The following ANKRD7 variants were observed in gnomAD, a reference collection of about 807,000 sequenced individuals.
ANKRD7 encodes ankyrin repeat domain 7.
In ANKRD7, 30 loss-of-function variants were observed where a neutral mutation model predicts 30.8. The observed-to-expected ratio is 0.97, with a 90% confidence interval of 0.73 to 1.32. The LOEUF is 1.32. Ranked by LOEUF, ANKRD7 falls within the 40% of genes most tolerant of loss-of-function variation. The pLI is 0.00. For missense variants in ANKRD7, 264 were observed against 295.7 expected, an observed-to-expected ratio of 0.89 and a Z score of 0.79; for synonymous variants, 97 against 106.6, an observed-to-expected ratio of 0.91 and a Z score of 0.55.
At chr7:118,237,937 G>A (rs1293351759) in intron 5 of ANKRD7, among the ~76,000 whole-genome samples, 1 of 152,058 alleles carries the variant, frequency 6.6e-6, no homozygotes, top group East Asian at 1.9e-4. Flanking sequence ...CTCTACAAAA[G>A]TGATCCCTAA....
chr7:118,235,663 C>T (rs964922949), intron 3 of ANKRD7, among the ~76,000 whole-genome samples: 84 of 150,436 alleles, frequency 5.6e-4, no homozygotes, highest in African/African-American at 2.0e-3. Flanking sequence ...ATATTTTGTC[C>T]ACAGCCAAAA....
chr7:118,237,233 T>A (rs1276269488), intron 5 of ANKRD7, among the ~76,000 whole-genome samples: 1 of 152,202 alleles, frequency 6.6e-6, no homozygotes, highest in African/African-American at 2.4e-5. Flanking sequence ...AGATGATTCA[T>A]TCACACAAAG....
rs1809737423 is a variant in ANKRD7 at position 118,236,780 on chromosome 7, C to T, written c.576-10C>T. Reference sequence around the variant, plus strand: ...TTTACATGGGCATTCATTTCTATCTCTTGCTCCAGAACAGCCCTTATTCTT... The same window carrying T: ...TTTACATGGGCATTCATTTCTATCTTTTGCTCCAGAACAGCCCTTATTCTT... On this transcript the variant is annotated splice_polypyrimidine_tract_variant and intron_variant, in intron 4 of 6. Transcript: ENST00000265224. 6.2e-7 allele frequency: 1 copy of T among 1,608,880 alleles called. No individual in the cohort carries two copies. The highest frequency in any genetic ancestry group is 8.5e-7 in the Non-Finnish European group (1 of 1,178,018).
chr7:118,235,396 A>G (rs1339616496), intron 3 of ANKRD7, among the ~76,000 whole-genome samples: 1 of 152,058 alleles, frequency 6.6e-6, no homozygotes, highest in Non-Finnish European at 1.5e-5. Flanking sequence ...GTGGATCACG[A>G]GGTCAGGAGA....
intron 1 of ANKRD7, among the ~76,000 whole-genome samples, chr7:118,227,598 A>G (rs1317621102): frequency 6.6e-6 from 1 of 152,152 alleles, no homozygotes; most frequent in Non-Finnish European, 1.5e-5. Flanking sequence ...ACTCTGTCAT[A>G]TTGCTGACAT....
chr7:118,236,148 G>A lies in ANKRD7; in HGVS notation c.575+1G>A. On this transcript the variant is annotated splice_donor_variant, in intron 4 of 6. Transcript: ENST00000265224. LOFTEE classifies it high-confidence loss of function. ...TGAATGCTTCAGATAATTATCAAAG[G>A]TATAATTAATAAATAAGATAGCACA... The A allele has an allele frequency of 6.5e-7, 1 of 1,532,104 alleles. No individual in the cohort carries two copies. Among genetic ancestry groups the A allele is most frequent in the Non-Finnish European group, 9.0e-7 (1 of 1,114,920 alleles). The allele number at this position is 1,532,104 out of a possible 1,614,324, so 94.9% of individuals were successfully genotyped here. A position where few individuals can be genotyped will look rare whatever the true frequency, so the allele number is the denominator to read the frequency against.
At chr7:118,233,803 A>G (rs927559422) in intron 1 of ANKRD7, among the ~76,000 whole-genome samples, 2 of 152,142 alleles carry the variant, frequency 1.3e-5, no homozygotes, top group Admixed American at 6.5e-5. Context: ...TAAAAACTGC[A>G]AAATTTAAAT....
At chr7:118,239,386 T>A (rs565750456) in intron 5 of ANKRD7, among the ~76,000 whole-genome samples, 1 of 152,310 alleles carries the variant, frequency 6.6e-6, no homozygotes, top group East Asian at 1.9e-4. Context: ...CCCCTACTTC[T>A]GTGGAAAAAT....
At chr7:118,230,691 A>T (rs1345883510) in intron 1 of ANKRD7, among the ~76,000 whole-genome samples, 2 of 151,638 alleles carry the variant, frequency 1.3e-5, no homozygotes, top group African/African-American at 4.8e-5. Context: ...GAGAAAGATA[A>T]AATATTAAAG....
At chr7:118,229,579 G>A (rs1471800427) in intron 1 of ANKRD7, among the ~76,000 whole-genome samples, 13 of 152,024 alleles carry the variant, frequency 8.6e-5, no homozygotes, top group African/African-American at 2.7e-4. Context: ...ATACTATTCA[G>A]CAATAAATGC....
At chr7:118,225,107 C>T in intron 1 of ANKRD7, 98 bp downstream of exon 1, 1 of 1,346,180 alleles carries the variant, frequency 7.4e-7, no homozygotes, top group Admixed American at 2.4e-5. Context: ...CTGATTGTCA[C>T]TCCGGGTTTC....
At chr7:118,236,719 A>G (rs1257942619) in intron 4 of ANKRD7, 71 bp from the exon 5 acceptor site, 2 of 1,503,148 alleles carry the variant, frequency 1.3e-6, no homozygotes, top group African/African-American at 1.4e-5. Flanking sequence ...GTAAATTGAG[A>G]AGACTGAATT....
intron 1 of ANKRD7, among the ~76,000 whole-genome samples, chr7:118,225,618 A>G (rs1379337400): frequency 6.6e-6 from 1 of 152,090 alleles, no homozygotes; most frequent in African/African-American, 2.4e-5. Context: ...TTGGTAATAG[A>G]TCGTCCCCAG....
chr7:118,233,836 T>A (rs537596223), intron 1 of ANKRD7, among the ~76,000 whole-genome samples: 1 of 152,214 alleles, frequency 6.6e-6, no homozygotes, highest in South Asian at 2.1e-4. Context: ...TCTTCTGTCA[T>A]AATTCATGAA....
At position 118,234,594 on chromosome 7, in the gene ANKRD7, A is replaced by G. The variant is rs1584724535; in HGVS notation, c.294+49A>G. 1.9e-6 allele frequency: 3 copies of G among 1,558,830 alleles called. No individual in the cohort carries two copies. In the East Asian group the frequency reaches 6.8e-5, roughly 35 times the overall value. ...AATTGGAATGTGTTTGAGTTCTCCTAGTTAATTTTTGTTGATTTTTCATGT... is the reference window on the plus strand; with the variant it reads ...AATTGGAATGTGTTTGAGTTCTCCTGGTTAATTTTTGTTGATTTTTCATGT... On this transcript the variant is annotated intron_variant, in intron 2 of 6. Coordinates refer to ENST00000265224, the MANE Select transcript of ANKRD7 (RefSeq NM_019644.4).
At chr7:118,236,196 T>TTGTGTGTGTGAGTG in intron 4 of ANKRD7, 49 bp downstream of exon 4, 1 of 993,518 alleles carries the variant, frequency 1.0e-6, no homozygotes, top group East Asian at 2.8e-5. Context: ...CCTGATAGGA[T>TTGTGTGTGTGAGTG]TGTGTGTGTG....
rs1809795213 is a variant in ANKRD7 at position 118,239,872 on chromosome 7, T to C, written c.713-37T>C. On this transcript the variant is annotated intron_variant, in intron 5 of 6. Coordinates refer to ENST00000265224, the MANE Select transcript of ANKRD7 (RefSeq NM_019644.4). Reference sequence around the variant, plus strand: ...ACTTATATGTTAGGAATTAAATTTCTATGCATGCTGGCATTCACACGTAAT... The same window carrying C: ...ACTTATATGTTAGGAATTAAATTTCCATGCATGCTGGCATTCACACGTAAT... The C allele has an allele frequency of 2.2e-6, 3 of 1,387,766 alleles. No individual in the cohort carries two copies. The East Asian group carries it at 6.9e-5, about 32-fold the overall frequency. 86.0% of individuals were successfully genotyped at this position (1,387,766 alleles called of 1,614,324 possible).
At chr7:118,234,960 A>G (rs1809702562) in intron 3 of ANKRD7, 86 bp downstream of exon 3, 2 of 1,146,412 alleles carry the variant, frequency 1.7e-6, no homozygotes, top group Non-Finnish European at 2.3e-6. Context: ...GTTGAAATAT[A>G]TGTTATATAA....
In ANKRD7 at chr7:118,242,491, T is replaced by C. The variant is rs1186497329; in HGVS notation, c.*180T>C. 1 of 152,022 alleles carries C rather than the reference T, an allele frequency of 6.6e-6. No homozygotes were observed. The highest frequency in any genetic ancestry group is 2.4e-5 in the African/African-American group (1 of 41,432). The allele number at this position is 152,022 out of a possible 1,614,324, so 9.4% of individuals were successfully genotyped here. A position where few individuals can be genotyped will look rare whatever the true frequency, so the allele number is the denominator to read the frequency against. ...GTTTGTTAATTGGATGGGATTTTTT[T>C]TTTTTCACGTTAGAAGACATGAAGA... On this transcript the variant is annotated 3_prime_UTR_variant, in exon 7 of 7. Coordinates refer to ENST00000265224, the MANE Select transcript of ANKRD7 (RefSeq NM_019644.4).
Sources: gnomAD v4.1 joint callset for allele counts (sites outside exome capture counted in the v4.1 genomes callset) on GRCh38, gnomAD v4.1.1 for gene constraint, MANE v1.5 for transcripts, NCBI Gene and HGNC (gene_info 2026-07-23, HGNC 2026-07-21) for gene names.